The following PRXL2A variants were observed in gnomAD, a reference collection of about 807,000 sequenced individuals.
PRXL2A encodes the protein peroxiredoxin like 2A.
Under a neutral mutation model 25.6 loss-of-function variants are expected in PRXL2A, and 26 were observed. The observed-to-expected ratio is 1.02, with a 90% CI of 0.74 to 1.41. The LOEUF is 1.41. Ranked by LOEUF, PRXL2A falls within the 40% of genes most tolerant of loss-of-function variation. PRXL2A has a pLI of 0.00. For synonymous variants in PRXL2A, 98 were observed against 102.9 expected (o/e 0.95, Z 0.29); for missense variants, 246 against 273.9 (o/e 0.90, Z 0.72).
At chr10:80,409,171 G>A (rs1844383548) in intron 1 of PRXL2A, 2 of 671,820 alleles carry the variant, frequency 3.0e-6, no homozygotes, top group Non-Finnish European at 3.7e-6. Context: ...GGAGGCACCT[G>A]TTCCCCCTCT....
intron 3 of PRXL2A, among the ~76,000 whole-genome samples, chr10:80,424,867 C>T (rs1051912382): frequency 3.3e-5 from 5 of 152,136 alleles, no homozygotes; most frequent in African/African-American, 1.2e-4. Context: ...GAGCAAGACT[C>T]CATCTCAAAA....
rs377540902 is a variant in PRXL2A at position 80,418,855 on chromosome 10, A to T, written c.-2-1611A>T. Among the ~76,000 whole-genome samples the T allele has an allele frequency of 2.0e-4, 31 of 152,328 alleles. No individual in the cohort carries two copies. In the East Asian group the frequency reaches 4.4e-3, roughly 22 times the overall value. On this transcript the variant is annotated intron_variant, in intron 1 of 5. Coordinates refer to ENST00000606162, the MANE Select transcript of PRXL2A (RefSeq NM_032333.5). ...CACAAGTCTTCCTAGCTGGCAGAAG[A>T]AGCCAGGAACAAGGCTGAATTCTGA...
At chr10:80,428,696 A>G (rs1188280033) in intron 5 of PRXL2A, among the ~76,000 whole-genome samples, 1 of 152,146 alleles carries the variant, frequency 6.6e-6, no homozygotes, top group Non-Finnish European at 1.5e-5. Context: ...AGGGAAGGGT[A>G]TGGGAGAAGG....
At chr10:80,410,358 T>A (rs1844436660) in intron 1 of PRXL2A, among the ~76,000 whole-genome samples, 1 of 152,250 alleles carries the variant, frequency 6.6e-6, no homozygotes, top group Admixed American at 6.5e-5. Flanking sequence ...GAGGCAGTGT[T>A]AGCTGCTACA....
At chr10:80,417,757 T>G (rs1329017707) in intron 1 of PRXL2A, among the ~76,000 whole-genome samples, 1 of 94,646 alleles carries the variant, frequency 1.1e-5, no homozygotes, top group Non-Finnish European at 1.9e-5. Flanking sequence ...TTTTTTTTTT[T>G]GTTTTTTTTT....
intron 5 of PRXL2A, among the ~76,000 whole-genome samples, chr10:80,430,674 A>T (rs560199414): frequency 6.6e-6 from 1 of 152,306 alleles, no homozygotes; most frequent in Non-Finnish European, 1.5e-5. Context: ...GTGTGTTTGC[A>T]CTACAGAAAA....
chr10:80,427,438 A>G lies in PRXL2A; in HGVS notation c.518A>G (p.Asn173Ser). Residue 173 changes from asparagine (N) to serine (S), a missense_variant, in exon 5 of 6, where the codon AAC (asparagine) becomes AGC (serine). Asn to Ser is a conservative substitution (Grantham distance 46). Coordinates refer to ENST00000606162, the MANE Select transcript of PRXL2A (RefSeq NM_032333.5). ...FRAWNGGFSG[N>S]LEGEGFILGG... is the part of the protein sequence containing the mutation. ...GCCTGGAACGGAGGCTTCTCTGGAA[A>G]CCTGGAAGGAGAAGGCTTCATCCTT... The G allele has an allele frequency of 6.2e-7, 1 of 1,614,098 alleles. No individual in the cohort carries two copies. The highest frequency in any genetic ancestry group is 1.1e-5 in the South Asian group (1 of 91,082).
chr10:80,430,216 C>G (rs1253583238), intron 5 of PRXL2A, among the ~76,000 whole-genome samples: 5 of 151,404 alleles, frequency 3.3e-5, no homozygotes, highest in African/African-American at 1.2e-4. Flanking sequence ...ATTCTCCTGC[C>G]TCAGCCTCCC....
intron 1 of PRXL2A, among the ~76,000 whole-genome samples, chr10:80,419,285 G>A (rs540923060): frequency 2.0e-5 from 3 of 150,284 alleles, no homozygotes; most frequent in African/African-American, 7.3e-5. Flanking sequence ...TGCCCTGCCA[G>A]GACTTCCTCT....
chr10:80,419,535 C>T (rs1174426319), intron 1 of PRXL2A, among the ~76,000 whole-genome samples: 5 of 150,250 alleles, frequency 3.3e-5, no homozygotes, highest in South Asian at 4.2e-4. Context: ...CTCGAACTCC[C>T]GACCTCAGGT....
At chr10:80,422,371 G>T in intron 2 of PRXL2A, 46 bp from the exon 3 acceptor site, 1 of 1,483,434 alleles carries the variant, frequency 6.7e-7, no homozygotes, top group Non-Finnish European at 9.4e-7. Flanking sequence ...TAGTGATTGG[G>T]GCTGGGCTGG....
intron 5 of PRXL2A, among the ~76,000 whole-genome samples, chr10:80,430,467 A>G (rs1845214964): frequency 6.6e-6 from 1 of 152,184 alleles, no homozygotes; most frequent in Non-Finnish European, 1.5e-5. Context: ...GCAACATAGC[A>G]AAACCCCATC....
intron 3 of PRXL2A, 55 bp downstream of exon 3, chr10:80,422,563 T>A: frequency 6.9e-7 from 1 of 1,449,144 alleles, no homozygotes; most frequent in Non-Finnish European, 9.6e-7. Flanking sequence ...GTAGGGGCCA[T>A]TGTTTTCCGG....
intron 1 of PRXL2A, chr10:80,413,737 C>A: frequency 1.6e-6 from 1 of 609,180 alleles, no homozygotes; most frequent in Non-Finnish European, 2.1e-6. Flanking sequence ...TCTGGGTGGC[C>A]TGGTCCTGCC....
chr10:80,415,507 G>A (rs1302089049), intron 1 of PRXL2A, among the ~76,000 whole-genome samples: 1 of 152,142 alleles, frequency 6.6e-6, no homozygotes, highest in African/African-American at 2.4e-5. Flanking sequence ...GTCCTACACC[G>A]GCTCCAAAGC....
At chr10:80,420,755 A>G (rs1027897935) in intron 2 of PRXL2A, 110 bp downstream of exon 2, 7 of 790,938 alleles carry the variant, frequency 8.9e-6, no homozygotes, top group Non-Finnish European at 1.3e-5. Flanking sequence ...TAATATAACA[A>G]CATTAGGAAA....
intron 3 of PRXL2A, among the ~76,000 whole-genome samples, chr10:80,425,518 G>T (rs1309701377): frequency 2.0e-5 from 3 of 152,254 alleles, no homozygotes; most frequent in African/African-American, 7.2e-5. Context: ...TAGCCAGGGA[G>T]ATCTTTTTAG....
intron 5 of PRXL2A, among the ~76,000 whole-genome samples, chr10:80,428,003 G>GA (rs978588733): frequency 2.6e-5 from 4 of 151,250 alleles, no homozygotes; most frequent in Non-Finnish European, 3.0e-5. Flanking sequence ...ATGGATGATA[G>GA]AAAAAAAAAT....
chr10:80,425,643 G>A (rs1845015234), intron 3 of PRXL2A, among the ~76,000 whole-genome samples: 1 of 152,184 alleles, frequency 6.6e-6, no homozygotes, highest in Admixed American at 6.5e-5. Context: ...GCAGGGAAGG[G>A]GCTGGGAGAT....
Sources: allele counts gnomAD v4.1 joint callset (sites outside exome capture counted in the v4.1 genomes callset), GRCh38; gene constraint gnomAD v4.1.1; transcripts MANE v1.5; gene names NCBI Gene and HGNC (gene_info 2026-07-23, HGNC 2026-07-21).